Variants in ZFHX3 observed in about 807,000 individuals in gnomAD.
ZFHX3 encodes the protein zinc finger homeobox 3.
A neutral mutation model predicts 279.1 loss-of-function variants in ZFHX3; 42 were observed. The observed-to-expected ratio is 0.15, with a 90% CI of 0.12 to 0.19. ZFHX3 has a LOEUF of 0.19. Ranked by LOEUF, ZFHX3 falls within the 10% of genes least tolerant of loss-of-function variation. The probability of loss-of-function intolerance (pLI) is 1.00; values close to 1 mark genes in which losing one functional copy is unlikely to be tolerated. For missense variants in ZFHX3, 4,981 were observed against 4,754.0 expected (o/e 1.05, Z -1.40); for synonymous variants, 2,293 against 1,957.8 (o/e 1.17, Z -4.52).
intron 4 of ZFHX3, among the ~76,000 whole-genome samples, chr16:72,838,887 A>G (rs994113022): frequency 2.6e-5 from 4 of 152,080 alleles, no homozygotes; most frequent in African/African-American, 9.7e-5. Context: ...CCTGGTGGCT[A>G]TTCACAGGAA....
At chr16:72,867,958 T>C (rs2038062541) in intron 4 of ZFHX3, among the ~76,000 whole-genome samples, 1 of 152,156 alleles carries the variant, frequency 6.6e-6, no homozygotes, top group Non-Finnish European at 1.5e-5. Context: ...TCCGACAAGA[T>C]GGCGCCCAAG....
chr16:72,991,402 G>C (rs1314686326), intron 1 of ZFHX3, among the ~76,000 whole-genome samples: 1 of 152,152 alleles, frequency 6.6e-6, no homozygotes, highest in Non-Finnish European at 1.5e-5. Flanking sequence ...TGCTGTCGTG[G>C]CTAGGAGTAT....
At chr16:73,519,544 T>C (rs888226111) in intron 2 of ZFHX3, among the ~76,000 whole-genome samples, 2 of 152,196 alleles carry the variant, frequency 1.3e-5, no homozygotes, top group Non-Finnish European at 2.9e-5. Flanking sequence ...CCTTGGTTGA[T>C]TGGAATTTCT....
chr16:73,346,385 C>T (rs1464235005), intron 3 of ZFHX3, among the ~76,000 whole-genome samples: 1 of 152,174 alleles, frequency 6.6e-6, no homozygotes, highest in Non-Finnish European at 1.5e-5. Flanking sequence ...GGCAGCATCT[C>T]CCCACTCAGC....
chr16:72,851,840 C>T (rs533808132), intron 4 of ZFHX3, among the ~76,000 whole-genome samples: 46 of 152,262 alleles, frequency 3.0e-4, no homozygotes, highest in African/African-American at 6.3e-4. Flanking sequence ...TGTGAGCCAC[C>T]GCACCTGGCC....
At chr16:73,132,048 G>A (rs1384546973) in intron 6 of ZFHX3, among the ~76,000 whole-genome samples, 1 of 152,132 alleles carries the variant, frequency 6.6e-6, no homozygotes. Flanking sequence ...TGCTTTAGGA[G>A]ACCGAGGTGG....
At chr16:72,896,551 C>T (rs1431660737) in intron 3 of ZFHX3, among the ~76,000 whole-genome samples, 1 of 152,194 alleles carries the variant, frequency 6.6e-6, no homozygotes, top group African/African-American at 2.4e-5. Flanking sequence ...GGGATTCTAC[C>T]CCATTAGTAT....
intron 5 of ZFHX3, among the ~76,000 whole-genome samples, chr16:73,183,478 G>A (rs1967845531): frequency 6.6e-6 from 1 of 152,212 alleles, no homozygotes; most frequent in South Asian, 2.1e-4. Flanking sequence ...AAAGTGAGGT[G>A]GGTGTTTCTT....
intron 1 of ZFHX3, among the ~76,000 whole-genome samples, chr16:73,042,497 A>G (rs1246489082): frequency 6.6e-6 from 1 of 152,100 alleles, no homozygotes; most frequent in Admixed American, 6.5e-5. Context: ...TCCTTCCTGA[A>G]AGAACCCCAT....
intron 5 of ZFHX3, among the ~76,000 whole-genome samples, chr16:73,188,441 A>G (rs1181194166): frequency 1.3e-5 from 2 of 152,072 alleles, no homozygotes; most frequent in Non-Finnish European, 2.9e-5. Context: ...CTCTGTTTGG[A>G]CCCCTTTGTC....
intron 3 of ZFHX3, among the ~76,000 whole-genome samples, chr16:72,918,782 G>T (rs2039508990): frequency 6.7e-6 from 1 of 149,932 alleles, no homozygotes. Context: ...TGCAAGCTCT[G>T]CCTCCCGCGT....
intron 1 of ZFHX3, among the ~76,000 whole-genome samples, chr16:73,855,090 C>T (rs2142383890): frequency 6.6e-6 from 1 of 152,222 alleles, no homozygotes; most frequent in South Asian, 2.1e-4. Context: ...CAATAAGGAC[C>T]TTACATTTTT....
chr16:73,150,452 T>C (rs756021912), intron 5 of ZFHX3, among the ~76,000 whole-genome samples: 1 of 152,120 alleles, frequency 6.6e-6, no homozygotes, highest in African/African-American at 2.4e-5. Context: ...AAAGTAACAA[T>C]AACTACCTCA....
chr16:73,667,330 C>T (rs935509237), intron 2 of ZFHX3, among the ~76,000 whole-genome samples: 2 of 152,170 alleles, frequency 1.3e-5, no homozygotes, highest in African/African-American at 4.8e-5. Context: ...TGAAGGACAC[C>T]TGGACGGTTT....
chr16:73,855,794 TAA>T (rs1961711795), intron 1 of ZFHX3, among the ~76,000 whole-genome samples: 1 of 151,948 alleles, frequency 6.6e-6, no homozygotes, highest in African/African-American at 2.4e-5. Context: ...AGAGAAAAAA[TAA>T]GTCAGGGAAC....
intron 4 of ZFHX3, among the ~76,000 whole-genome samples, chr16:72,857,926 C>T (rs548244153): frequency 1.1e-4 from 16 of 152,346 alleles, no homozygotes; most frequent in South Asian, 4.1e-4. Context: ...GTTTTCTTGC[C>T]GTTTCCAACA....
chr16:73,156,640 C>T lies in ZFHX3; in HGVS notation c.-1103-12809G>A, dbSNP rs570541156. Among the ~76,000 whole-genome samples the T allele has an allele frequency of 2.3e-3, 355 of 152,276 alleles. 2 individuals carry two copies. The highest frequency in any genetic ancestry group is 7.9e-3 in the African/African-American group (329 of 41,574). On this transcript the variant is annotated intron_variant, in intron 5 of 17. Coordinates refer to the ZFHX3 transcript ENST00000641206. ...GGGTGATCCTGGCTCTCTGCAGCCT[C>T]GACCTCCTGGGTTCAAGTGATCCTC...
chr16:73,600,174 G>GT (rs1261977410), intron 2 of ZFHX3, among the ~76,000 whole-genome samples: 1 of 152,200 alleles, frequency 6.6e-6, no homozygotes, highest in Non-Finnish European at 1.5e-5. Flanking sequence ...GGATAAGGTT[G>GT]TATTAACAAG....
At chr16:73,351,013 C>G (rs2016231485) in intron 3 of ZFHX3, among the ~76,000 whole-genome samples, 1 of 152,186 alleles carries the variant, frequency 6.6e-6, no homozygotes, top group African/African-American at 2.4e-5. Flanking sequence ...ATCCGATGAC[C>G]TTCCCCGCAT....
Sources: gnomAD v4.1 joint callset for allele counts (sites outside exome capture counted in the v4.1 genomes callset) on GRCh38, gnomAD v4.1.1 for gene constraint, MANE v1.5 for transcripts, NCBI Gene and HGNC (gene_info 2026-07-23, HGNC 2026-07-21) for gene names.